GRAMD1B: variants seen among roughly 807,000 people sequenced by gnomAD.
GRAMD1B encodes the protein GRAM domain containing 1B.
GRAMD1B carries 37 observed loss-of-function variants against 99.7 expected under a neutral mutation model. That is an observed-to-expected ratio of 0.37 (90% CI 0.29 to 0.49). The LOEUF (loss-of-function observed/expected upper bound fraction) is 0.49, where lower values mean the gene tolerates loss of function less well. Ranked by LOEUF, GRAMD1B falls within the 20% of genes least tolerant of loss-of-function variation. The probability of loss-of-function intolerance (pLI) is 0.98; values close to 1 mark genes in which losing one functional copy is unlikely to be tolerated. For synonymous variants in GRAMD1B, 427 were observed against 387.6 expected, an observed-to-expected ratio of 1.10 and a Z score of -1.19; for missense variants, 888 against 1,009.2, an observed-to-expected ratio of 0.88 and a Z score of 1.63.
chr11:123,477,301 T>C (rs1591648330), intron 1 of GRAMD1B, among the ~76,000 whole-genome samples: 1 of 103,374 alleles, frequency 9.7e-6, no homozygotes, highest in South Asian at 4.2e-4. Flanking sequence ...CCTTTCATTC[T>C]CCCTTCCCTC....
At position 123,408,721 on chromosome 11, in the gene GRAMD1B, G is replaced by A. The variant is rs189876223; in HGVS notation, c.-176+49922G>A. ...GGGTAGTGAGCATTCAGACATAAGTGGAATTCACTAGGATGTACTGGGACT... is the reference window on the plus strand; with the variant it reads ...GGGTAGTGAGCATTCAGACATAAGTAGAATTCACTAGGATGTACTGGGACT... On this transcript the variant is annotated intron_variant, in intron 1 of 20. Coordinates refer to the GRAMD1B transcript ENST00000638157. Among the ~76,000 whole-genome samples the A allele has an allele frequency of 2.3e-3, 351 of 152,328 alleles. 3 individuals are homozygous for A. Among genetic ancestry groups the A allele is most frequent in the African/African-American group, 7.9e-3 (327 of 41,574 alleles).
At chr11:123,392,879 T>C (rs1658378568) in intron 1 of GRAMD1B, among the ~76,000 whole-genome samples, 1 of 152,214 alleles carries the variant, frequency 6.6e-6, no homozygotes, top group Admixed American at 6.5e-5. Flanking sequence ...TGGCTCATTG[T>C]TCATGAATTT....
At chr11:123,479,722 C>T (rs977511045) in intron 1 of GRAMD1B, among the ~76,000 whole-genome samples, 21 of 152,172 alleles carry the variant, frequency 1.4e-4, no homozygotes, top group African/African-American at 5.1e-4. Context: ...AGTTACTCAA[C>T]TCTGCCTTAA....
intron 1 of GRAMD1B, among the ~76,000 whole-genome samples, chr11:123,379,881 C>G (rs1946815269): frequency 6.6e-6 from 1 of 152,182 alleles, no homozygotes; most frequent in Non-Finnish European, 1.5e-5. Flanking sequence ...TTATAACCAT[C>G]CTAGTGGCCA....
At chr11:123,445,564 C>T (rs1949599285) in intron 1 of GRAMD1B, among the ~76,000 whole-genome samples, 1 of 151,938 alleles carries the variant, frequency 6.6e-6, no homozygotes, top group Admixed American at 6.6e-5. Flanking sequence ...CCTTGTAATC[C>T]CAGAACTTTG....
chr11:123,435,396 T>C (rs900255507), intron 1 of GRAMD1B: 1 of 695,874 alleles, frequency 1.4e-6, no homozygotes, highest in Non-Finnish European at 2.6e-6. Context: ...TCATTATTTG[T>C]TTGTTTGTTT....
chr11:123,589,614 TTATATATATA>T (rs71060517), intron 4 of GRAMD1B, among the ~76,000 whole-genome samples: 42 of 128,266 alleles, frequency 3.3e-4, no homozygotes, highest in African/African-American at 1.5e-3. Context: ...TGGCTAATTT[TTATATATATA>T]TATATATATA....
intron 2 of GRAMD1B, chr11:123,526,273 C>T: frequency 2.0e-6 from 2 of 999,846 alleles, no homozygotes; most frequent in South Asian, 2.7e-5. Flanking sequence ...GCCATCTCAC[C>T]AGGCATCGAG....
intron 2 of GRAMD1B, among the ~76,000 whole-genome samples, chr11:123,548,968 C>T (rs1296894896): frequency 6.6e-6 from 1 of 152,188 alleles, no homozygotes; most frequent in Non-Finnish European, 1.5e-5. Flanking sequence ...GCAAGCCTCC[C>T]ATCTGCCCAG....
At chr11:123,388,036 G>T (rs376821086) in intron 1 of GRAMD1B, among the ~76,000 whole-genome samples, 2 of 147,160 alleles carry the variant, frequency 1.4e-5, no homozygotes, top group East Asian at 4.1e-4. Flanking sequence ...TGAGGCAGGA[G>T]AATCGCTTGA....
chr11:123,608,655 G>T lies in GRAMD1B; in HGVS notation c.1514-4G>T, dbSNP rs761275565. 5.7e-6 allele frequency: 9 copies of T among 1,577,664 alleles called. No individual in the cohort carries two copies. Among genetic ancestry groups the T allele is most frequent in the African/African-American group, 1.3e-5 (1 of 74,114 alleles). ...TCTACTTCCTGATCCTCTCTTCTGT[G>T]CAGGAGAGGTCCAGGCCTTCTATGA... On this transcript the variant is annotated splice_region_variant and splice_polypyrimidine_tract_variant and intron_variant, in intron 11 of 19. Transcript: ENST00000635736.
chr11:123,580,213 C>A (rs1045056395), intron 3 of GRAMD1B, among the ~76,000 whole-genome samples: 1 of 152,164 alleles, frequency 6.6e-6, no homozygotes. Flanking sequence ...ATGTGCAGGA[C>A]ACACAGACTT....
At chr11:123,455,868 A>T (rs1394697706) in intron 1 of GRAMD1B, among the ~76,000 whole-genome samples, 2 of 152,108 alleles carry the variant, frequency 1.3e-5, no homozygotes, top group East Asian at 3.9e-4. Context: ...ACAGCCTGGC[A>T]TATAGAAAAC....
intron 4 of GRAMD1B, among the ~76,000 whole-genome samples, chr11:123,589,105 G>A (rs1395960616): frequency 1.3e-5 from 2 of 151,518 alleles, no homozygotes; most frequent in Non-Finnish European, 2.9e-5. Flanking sequence ...AGCGTGTCAC[G>A]TGAGGTCAGG....
At chr11:123,447,907 T>C (rs1949711128) in intron 1 of GRAMD1B, among the ~76,000 whole-genome samples, 1 of 152,220 alleles carries the variant, frequency 6.6e-6, no homozygotes, top group African/African-American at 2.4e-5. Flanking sequence ...TTTGTTTTTT[T>C]TAACCTCCCA....
At chr11:123,476,449 G>A (rs1034873005) in intron 1 of GRAMD1B, among the ~76,000 whole-genome samples, 1 of 152,216 alleles carries the variant, frequency 6.6e-6, no homozygotes, top group African/African-American at 2.4e-5. Context: ...ATAATGGGAG[G>A]AAATAGGGCC....
intron 1 of GRAMD1B, among the ~76,000 whole-genome samples, chr11:123,456,526 G>A (rs1486064842): frequency 6.6e-6 from 1 of 152,156 alleles, no homozygotes; most frequent in Non-Finnish European, 1.5e-5. Flanking sequence ...TATAATCCCA[G>A]CACTTTGGGA....
intron 2 of GRAMD1B, among the ~76,000 whole-genome samples, chr11:123,511,680 T>G (rs946642573): frequency 3.3e-4 from 50 of 152,132 alleles, no homozygotes; most frequent in African/African-American, 1.1e-3. Context: ...CTCTCAGAGA[T>G]GGAAGACTGG....
rs1180677990 is a variant in GRAMD1B at position 123,587,490 on chromosome 11, G to A, written c.684+3158G>A. ...TCAGCAGGGAGCCAAGGGCAGAGTT[G>A]AGGGGCAACCTGGCCAGGGCCACTG... On this transcript the variant is annotated intron_variant, in intron 4 of 19. Transcript: ENST00000635736. This position sits in a 1 kb window ranked among gnomAD's most constrained non-coding sequence, Gnocchi z 4.2. 6.6e-5 allele frequency among the ~76,000 whole-genome samples: 10 copies of A among 152,230 alleles called. No individual in the cohort carries two copies. The highest frequency in any genetic ancestry group is 1.3e-4 in the Admixed American group (2 of 15,294).
Sources: allele counts gnomAD v4.1 joint callset (sites outside exome capture counted in the v4.1 genomes callset), GRCh38; gene constraint gnomAD v4.1.1; non-coding constraint Gnocchi (gnomAD v3.1); transcripts MANE v1.5; gene names NCBI Gene and HGNC (gene_info 2026-07-23, HGNC 2026-07-21).